Variants in PHF11 observed in about 807,000 individuals in gnomAD.
PHF11 encodes the protein PHD finger protein 11, also known as BRCA1 C-terminus-associated protein.
Under a neutral mutation model 40.5 loss-of-function variants are expected in PHF11, and 38 were observed. That is an observed-to-expected ratio of 0.94 (90% CI 0.72 to 1.23). The LOEUF is 1.23. Ranked by LOEUF, PHF11 falls within the 50% of genes most tolerant of loss-of-function variation. The pLI is 0.00. For missense variants in PHF11, 369 were observed against 392.4 expected (o/e 0.94, Z 0.50); for synonymous variants, 127 against 138.2 (o/e 0.92, Z 0.57).
At chr13:49,505,687 G>T (rs1447027656) in intron 1 of PHF11, among the ~76,000 whole-genome samples, 1 of 152,042 alleles carries the variant, frequency 6.6e-6, no homozygotes, top group Admixed American at 6.6e-5. Flanking sequence ...TGACACATGG[G>T]TGGAGATCTC....
At chr13:49,497,094 T>G (rs1209675877) in intron 1 of PHF11, 2 of 1,284,212 alleles carry the variant, frequency 1.6e-6, no homozygotes, top group African/African-American at 3.0e-5. Flanking sequence ...TGAAGGGGTG[T>G]TCCCAGCAGA....
intron 7 of PHF11, chr13:49,523,723 C>G (rs778220952): frequency 4.9e-6 from 1 of 205,110 alleles, no homozygotes; most frequent in African/African-American, 2.4e-5. Context: ...GGTGCACCAA[C>G]ATCTCAGAAA....
chr13:49,504,606 C>T (rs1958956582), intron 1 of PHF11, among the ~76,000 whole-genome samples: 5 of 145,916 alleles, frequency 3.4e-5, no homozygotes, highest in Admixed American at 6.8e-5. Flanking sequence ...GGTCAGCCCC[C>T]CGCCCGGCCA....
intron 5 of PHF11, chr13:49,521,155 C>T: frequency 8.2e-7 from 1 of 1,215,338 alleles, no homozygotes; most frequent in Middle Eastern, 3.3e-4. Flanking sequence ...CTCTTTGAAC[C>T]ATTCCCTGGT....
In PHF11 at chr13:49,495,983, C is replaced by G. The variant is rs1272368861; in HGVS notation, c.-19C>G. ...CGGGATCTCGCTATCCGGCCGCCACCCGCAGCTGCAGCACAGTCATGGCCC... is the reference window on the plus strand; with the variant it reads ...CGGGATCTCGCTATCCGGCCGCCACGCGCAGCTGCAGCACAGTCATGGCCC... On this transcript the variant is annotated 5_prime_UTR_variant, in exon 1 of 10. Coordinates refer to ENST00000378319, the MANE Select transcript of PHF11 (RefSeq NM_001040443.3). The G allele has an allele frequency of 6.7e-7, 1 of 1,486,108 alleles. No homozygotes were observed. Among genetic ancestry groups the G allele is most frequent in the Middle Eastern group, 1.7e-4 (1 of 5,860 alleles). 92.1% of individuals were successfully genotyped at this position (1,486,108 alleles called of 1,614,324 possible).
chr13:49,526,799 T>C lies in PHF11; in HGVS notation c.841+341T>C, dbSNP rs79519117. 5.5e-4 allele frequency among the ~76,000 whole-genome samples: 84 copies of C among 152,222 alleles called. 1 individual carries two copies. The East Asian group carries it at 0.015, about 28-fold the overall frequency. ...ATACTTTTATAATGAGAAAAACTCATTAAAAAAGTAGAGACAACAAAAAAT... is the reference window on the plus strand; with the variant it reads ...ATACTTTTATAATGAGAAAAACTCACTAAAAAAGTAGAGACAACAAAAAAT... On this transcript the variant is annotated intron_variant, in intron 9 of 9. Coordinates refer to ENST00000378319, the MANE Select transcript of PHF11 (RefSeq NM_001040443.3).
intron 6 of PHF11, among the ~76,000 whole-genome samples, chr13:49,522,322 A>G (rs774434070): frequency 6.6e-6 from 1 of 152,236 alleles, no homozygotes; most frequent in Non-Finnish European, 1.5e-5. Context: ...TTCCTAGATG[A>G]TAGAATCATG....
intron 1 of PHF11, among the ~76,000 whole-genome samples, chr13:49,501,116 C>T (rs936076816): frequency 4.7e-5 from 7 of 149,786 alleles, no homozygotes; most frequent in Admixed American, 6.8e-5. Context: ...CAGATTCAAG[C>T]GATTCTCCTG....
At chr13:49,521,955 T>G in intron 5 of PHF11, 88 bp from the exon 6 acceptor site, 2 of 634,078 alleles carry the variant, frequency 3.2e-6, no homozygotes, top group South Asian at 4.1e-5. Context: ...TTGTAAAAAC[T>G]TTTGGCATAT....
At chr13:49,499,836 A>G (rs1415619246) in intron 1 of PHF11, among the ~76,000 whole-genome samples, 1 of 152,266 alleles carries the variant, frequency 6.6e-6, no homozygotes, top group Admixed American at 6.5e-5. Flanking sequence ...GAACAAATCT[A>G]TACTGGAAGG....
At chr13:49,521,613 GA>G in intron 5 of PHF11, 1 of 376,846 alleles carries the variant, frequency 2.7e-6, no homozygotes, top group Non-Finnish European at 3.7e-6. Context: ...TATTGACAGG[GA>G]AAAGCACCAG....
intron 9 of PHF11, 134 bp downstream of exon 9, chr13:49,526,592 T>A: frequency 1.5e-6 from 1 of 661,454 alleles, no homozygotes; most frequent in Non-Finnish European, 2.7e-6. Context: ...GAAAAGCCAA[T>A]TACAAAAACA....
chr13:49,501,630 A>G (rs907318160), intron 1 of PHF11, among the ~76,000 whole-genome samples: 2 of 152,218 alleles, frequency 1.3e-5, no homozygotes, highest in Non-Finnish European at 2.9e-5. Flanking sequence ...TTAGATTCCC[A>G]TCTCATACAT....
chr13:49,502,080 ACTT>A (rs1227520661), intron 1 of PHF11, among the ~76,000 whole-genome samples: 1 of 152,126 alleles, frequency 6.6e-6, no homozygotes, highest in Non-Finnish European at 1.5e-5. Context: ...AGGGAGGATC[ACTT>A]GAGCCTAGGA....
intron 4 of PHF11, among the ~76,000 whole-genome samples, chr13:49,519,109 A>G (rs186657197): frequency 1.3e-5 from 2 of 152,274 alleles, no homozygotes; most frequent in East Asian, 3.9e-4. Context: ...TGCTGGGATT[A>G]CAGGCGTGAG....
chr13:49,497,321 C>T (rs956765889), intron 1 of PHF11: 4 of 619,072 alleles, frequency 6.5e-6, no homozygotes, highest in African/African-American at 5.6e-5. Context: ...TGAGTATGTC[C>T]CAAAGAGAAT....
chr13:49,526,306 C>A, intron 8 of PHF11, 81 bp from the exon 9 acceptor site: 1 of 850,056 alleles, frequency 1.2e-6, no homozygotes, highest in Non-Finnish European at 2.0e-6. Context: ...TTCCTTTCCC[C>A]TGTTTTGGAT....
At chr13:49,528,418 C>A in intron 9 of PHF11, 93 bp from the exon 10 acceptor site, 1 of 865,196 alleles carries the variant, frequency 1.2e-6, no homozygotes. Context: ...GATTGTGTAT[C>A]TGTACCTGCA....
At chr13:49,508,219 T>G (rs1357885622) in intron 2 of PHF11, among the ~76,000 whole-genome samples, 1 of 147,586 alleles carries the variant, frequency 6.8e-6, no homozygotes, top group Non-Finnish European at 1.5e-5. Context: ...GTGTTATGTA[T>G]TAATATATTA....
Sources: allele counts gnomAD v4.1 joint callset (sites outside exome capture counted in the v4.1 genomes callset), GRCh38; gene constraint gnomAD v4.1.1; transcripts MANE v1.5; gene names NCBI Gene and HGNC (gene_info 2026-07-23, HGNC 2026-07-21).